Variants in AFF2 observed in about 807,000 individuals in gnomAD.
AFF2 encodes the protein ALF transcription elongation factor 2.
In AFF2, 14 loss-of-function variants were observed where a neutral mutation model predicts 76.9. The observed-to-expected ratio is 0.18, with a 90% CI of 0.12 to 0.28. The LOEUF (loss-of-function observed/expected upper bound fraction) is 0.28, where lower values mean the gene tolerates loss of function less well. Ranked by LOEUF, AFF2 falls within the 10% of genes least tolerant of loss-of-function variation. The pLI is 1.00. For synonymous variants in AFF2, 398 were observed against 366.7 expected (o/e 1.09, Z -0.98); for missense variants, 868 against 1,001.1 (o/e 0.87, Z 1.79).
chrX:148,624,888 G>T (rs17252202), intron 1 of AFF2, among the ~76,000 whole-genome samples: 20,667 of 111,379 alleles, frequency 0.19, 1,392 homozygotes, highest in Non-Finnish European at 0.2. Context: ...AATTGTCCGA[G>T]GATGTCTGGA....
intron 4 of AFF2, among the ~76,000 whole-genome samples, chrX:148,834,767 A>C (rs998251352): frequency 8.9e-6 from 1 of 111,776 alleles, no homozygotes; most frequent in Non-Finnish European, 1.9e-5. Flanking sequence ...TCAAGTGTTA[A>C]TGAAAAGGAT....
intron 4 of AFF2, among the ~76,000 whole-genome samples, chrX:148,824,883 GT>G (rs1237913110): frequency 1.1e-4 from 12 of 111,059 alleles, no homozygotes; most frequent in African/African-American, 3.9e-4. Context: ...ATAAAAATAA[GT>G]TAATTGGCTG....
chrX:148,819,050 G>A (rs2070298261), intron 4 of AFF2, among the ~76,000 whole-genome samples: 2 of 110,971 alleles, frequency 1.8e-5, no homozygotes, highest in Non-Finnish European at 1.9e-5. Flanking sequence ...ACTGTTAGAA[G>A]AATTTCACAT....
chrX:148,573,787 A>G (rs182406787), intron 1 of AFF2, among the ~76,000 whole-genome samples: 127 of 111,696 alleles, frequency 1.1e-3, no homozygotes, highest in African/African-American at 4.1e-3. Flanking sequence ...GTGAAGCTAA[A>G]AGATAGAACA....
intron 12 of AFF2, among the ~76,000 whole-genome samples, chrX:148,960,279 A>G (rs1209288530): frequency 1.8e-5 from 2 of 112,606 alleles, no homozygotes; most frequent in Admixed American, 1.9e-4. Context: ...CTATGATTAT[A>G]TAAGACATGG....
At chrX:148,976,018 TA>T (rs1416863428) in intron 16 of AFF2, among the ~76,000 whole-genome samples, 10 of 106,153 alleles carry the variant, frequency 9.4e-5, no homozygotes, top group African/African-American at 3.3e-4. Context: ...CGTGAATCAT[TA>T]AGTAATTTTC....
intron 1 of AFF2, among the ~76,000 whole-genome samples, chrX:148,515,532 G>A: frequency 9.0e-6 from 1 of 111,463 alleles, no homozygotes; most frequent in Non-Finnish European, 1.9e-5. Flanking sequence ...TTATTAACTG[G>A]ACAATTAAGG....
chrX:148,878,767 C>T (rs782332223), intron 7 of AFF2, among the ~76,000 whole-genome samples: 3 of 112,042 alleles, frequency 2.7e-5, no homozygotes, highest in African/African-American at 3.2e-5. Flanking sequence ...TGGGGAAATT[C>T]ACTCTTAGAT....
At chrX:148,822,704 G>GGTGTGTGTGTGTGTGT (rs36003565) in intron 4 of AFF2, among the ~76,000 whole-genome samples, 1 of 92,247 alleles carries the variant, frequency 1.1e-5, no homozygotes, top group Non-Finnish European at 2.2e-5. Flanking sequence ...ATTCCTCCAG[G>GGTGTGTGTGTGTGTGT]GTGTGTGTGT....
chrX:148,696,305 G>A (rs941474587), intron 3 of AFF2, among the ~76,000 whole-genome samples: 1 of 109,364 alleles, frequency 9.1e-6, no homozygotes, highest in Admixed American at 9.8e-5. Flanking sequence ...GTTGTGGGGT[G>A]GGGGGAGAGG....
intron 1 of AFF2, among the ~76,000 whole-genome samples, chrX:148,542,395 C>G (rs2052868991): frequency 9.0e-6 from 1 of 110,530 alleles, no homozygotes; most frequent in South Asian, 3.8e-4. Flanking sequence ...CCTTGCCATG[C>G]TAAGAAAATT....
chrX:148,961,584 G>A (rs1449523172), intron 12 of AFF2, among the ~76,000 whole-genome samples: 1 of 111,974 alleles, frequency 8.9e-6, no homozygotes, highest in Non-Finnish European at 1.9e-5. Context: ...ATTACAATTG[G>A]CAATTTTGTG....
intron 3 of AFF2, among the ~76,000 whole-genome samples, chrX:148,806,115 G>A (rs1557271312): frequency 8.9e-6 from 1 of 112,811 alleles, no homozygotes; most frequent in Non-Finnish European, 1.9e-5. Flanking sequence ...TAATCCCAGT[G>A]CCACCACTAG....
At chrX:148,857,871 T>C (rs924609837) in intron 7 of AFF2, among the ~76,000 whole-genome samples, 1 of 111,767 alleles carries the variant, frequency 8.9e-6, no homozygotes, top group Admixed American at 9.5e-5. Context: ...CTAAAGTAAC[T>C]TGACTTTTCA....
chrX:148,543,304 G>T (rs1557237756), intron 1 of AFF2, among the ~76,000 whole-genome samples: 1 of 111,844 alleles, frequency 8.9e-6, no homozygotes, highest in Non-Finnish European at 1.9e-5. Flanking sequence ...TGAATCTTAT[G>T]TGCAATGACT....
In AFF2 at chrX:148,923,328, C is replaced by A. The variant is rs547773164; in HGVS notation, c.1397+19070C>A. ...ATTATACTTTGATACAGTTAGGTTG[C>A]GTTTATCAGACTTTGTAGATTTGGA... On this transcript the variant is annotated intron_variant, in intron 9 of 20. Transcript: ENST00000370460. Among the ~76,000 whole-genome samples, 174 of 111,592 alleles carry A rather than the reference C, an allele frequency of 1.6e-3. 10 individuals are homozygous for A. The South Asian group carries it at 0.063, about 40-fold the overall frequency.
intron 3 of AFF2, among the ~76,000 whole-genome samples, chrX:148,674,004 G>A (rs1277542564): frequency 3.6e-5 from 4 of 112,140 alleles, no homozygotes; most frequent in African/African-American, 1.3e-4. Flanking sequence ...AGAGCTAGGT[G>A]GGCAAACCTT....
intron 7 of AFF2, among the ~76,000 whole-genome samples, chrX:148,872,645 A>G (rs953427354): frequency 8.9e-6 from 1 of 112,185 alleles, no homozygotes; most frequent in Non-Finnish European, 1.9e-5. Flanking sequence ...CTGGGCTGCT[A>G]TAACAAGAAT....
intron 19 of AFF2, among the ~76,000 whole-genome samples, chrX:148,987,088 G>C (rs1557291636): frequency 9.0e-6 from 1 of 110,962 alleles, no homozygotes; most frequent in Non-Finnish European, 1.9e-5. Context: ...GGCAGGTATG[G>C]GGTGGTAATA....
Sources: allele counts gnomAD v4.1 joint callset (sites outside exome capture counted in the v4.1 genomes callset), GRCh38; gene constraint gnomAD v4.1.1; transcripts MANE v1.5; gene names NCBI Gene and HGNC (gene_info 2026-07-23, HGNC 2026-07-21).